DGKD: variants seen among roughly 807,000 people sequenced by gnomAD.
The protein encoded by DGKD is diacylglycerol kinase delta, also known as DAG kinase delta.
Under a neutral mutation model 154.4 loss-of-function variants are expected in DGKD, and 68 were observed. The ratio of observed to expected loss-of-function variants is 0.44; its 90% CI spans 0.36 to 0.54. The LOEUF is 0.54. Ranked by LOEUF, DGKD falls within the 20% of genes least tolerant of loss-of-function variation. DGKD has a pLI of 0.00. For missense variants in DGKD, 1,343 were observed against 1,593.6 expected (o/e 0.84, Z 2.68); for synonymous variants, 693 against 638.0 (o/e 1.09, Z -1.30).
At chr2:233,436,854 C>T (rs1335086773) in intron 7 of DGKD, among the ~76,000 whole-genome samples, 2 of 152,156 alleles carry the variant, frequency 1.3e-5, no homozygotes. Flanking sequence ...GGGTGCAGCC[C>T]AGTGGCCTCC....
At chr2:233,365,498 GC>G (rs1375871551) in intron 1 of DGKD, among the ~76,000 whole-genome samples, 1 of 152,092 alleles carries the variant, frequency 6.6e-6, no homozygotes, top group Non-Finnish European at 1.5e-5. Flanking sequence ...ACCTGCCTCG[GC>G]CTCCTGAAGT....
intron 1 of DGKD, among the ~76,000 whole-genome samples, chr2:233,367,791 CT>C (rs1227870624): frequency 1.3e-5 from 2 of 151,852 alleles, no homozygotes; most frequent in Admixed American, 1.3e-4. Flanking sequence ...GGCTGTCCCC[CT>C]CTGCTGTGTC....
intron 23 of DGKD, 146 bp from the exon 24 acceptor site, chr2:233,460,048 A>G (rs1575167136): frequency 1.4e-6 from 2 of 1,447,614 alleles, no homozygotes; most frequent in East Asian, 2.5e-5. Context: ...AATTTCTAGG[A>G]CCATCTCCTT....
chr2:233,385,873 C>G (rs1484730499), intron 1 of DGKD: 1 of 450,516 alleles, frequency 2.2e-6, no homozygotes, highest in African/African-American at 2.1e-5. Context: ...TTTCCCCAGC[C>G]TTTTCCGCTG....
At chr2:233,382,388 A>G (rs1358889805) in intron 1 of DGKD, among the ~76,000 whole-genome samples, 7 of 152,166 alleles carry the variant, frequency 4.6e-5, no homozygotes, top group Non-Finnish European at 8.8e-5. Context: ...AACCATAGTC[A>G]GGTTTCTGTT....
At chr2:233,424,069 AG>A (rs1250226975) in intron 3 of DGKD, among the ~76,000 whole-genome samples, 2 of 152,084 alleles carry the variant, frequency 1.3e-5, no homozygotes, top group Non-Finnish European at 2.9e-5. Flanking sequence ...AAAAGTGAAG[AG>A]GGGGTCCATT....
chr2:233,361,616 TGGCAGAGA>T (rs958314011), intron 1 of DGKD, among the ~76,000 whole-genome samples: 5 of 152,208 alleles, frequency 3.3e-5, no homozygotes, highest in African/African-American at 1.2e-4. Context: ...TGGAGAGTTT[TGGCAGAGA>T]ACTAGAAACT....
chr2:233,388,151 G>A, intron 1 of DGKD, 106 bp from the exon 2 acceptor site: 1 of 1,551,194 alleles, frequency 6.4e-7, no homozygotes, highest in Non-Finnish European at 8.7e-7. Flanking sequence ...AATATTTTCT[G>A]TTAGAGACAC....
At chr2:233,461,058 T>G (rs1031323656) in intron 24 of DGKD, among the ~76,000 whole-genome samples, 1 of 149,852 alleles carries the variant, frequency 6.7e-6, no homozygotes, top group African/African-American at 2.5e-5. Context: ...GGGCATTTCC[T>G]CTCACCTGCC....
chr2:233,421,265 A>T (rs2062105089), intron 3 of DGKD, among the ~76,000 whole-genome samples: 1 of 151,988 alleles, frequency 6.6e-6, no homozygotes, highest in Non-Finnish European at 1.5e-5. Flanking sequence ...AGCAGCACCC[A>T]GCCAGCTGCT....
At chr2:233,423,320 A>G (rs1469246450) in intron 3 of DGKD, among the ~76,000 whole-genome samples, 1 of 152,118 alleles carries the variant, frequency 6.6e-6, no homozygotes, top group Non-Finnish European at 1.5e-5. Context: ...TTGGTTTTTT[A>G]AGAAACTGCC....
At chr2:233,462,194 G>A (rs75282444) in intron 24 of DGKD, among the ~76,000 whole-genome samples, 154 bp from the exon 25 acceptor site, 1,771 of 152,302 alleles carry the variant, frequency 0.012, 28 homozygotes, top group African/African-American at 0.034. Flanking sequence ...GTGACTGAAC[G>A]GTCGCTGGGC....
chr2:233,436,931 G>T (rs948556984), intron 7 of DGKD, among the ~76,000 whole-genome samples: 3 of 152,338 alleles, frequency 2.0e-5, no homozygotes, highest in Middle Eastern at 6.8e-3. Context: ...GACTCAGGGA[G>T]CCTCCATGTA....
At chr2:233,448,507 G>A in intron 14 of DGKD, 132 bp downstream of exon 14, 1 of 752,980 alleles carries the variant, frequency 1.3e-6, no homozygotes, top group Non-Finnish European at 2.2e-6. Flanking sequence ...AAAACGCACA[G>A]TAAAGGAAGA....
At chr2:233,469,329 G>A in intron 29 of DGKD, 42 bp from the exon 30 acceptor site, 1 of 1,557,450 alleles carries the variant, frequency 6.4e-7, no homozygotes, top group Non-Finnish European at 8.7e-7. Context: ...TCTGGCCCTG[G>A]CTGTCTTCTC....
At chr2:233,431,760 G>A (rs1345429976) in intron 3 of DGKD, among the ~76,000 whole-genome samples, 1 of 152,184 alleles carries the variant, frequency 6.6e-6, no homozygotes, top group Admixed American at 6.5e-5. Context: ...TGGGAAAACT[G>A]GTTATCCATA....
chr2:233,469,337 C>CT (rs1553545250), intron 29 of DGKD, 34 bp from the exon 30 acceptor site: 12 of 1,575,960 alleles, frequency 7.6e-6, no homozygotes, highest in Non-Finnish European at 1.0e-5. Flanking sequence ...TGGCTGTCTT[C>CT]TCGGCATCCA....
chr2:233,393,917 G>T lies in DGKD; in HGVS notation c.348+3434G>T, dbSNP rs147975734. 6.8e-3 allele frequency among the ~76,000 whole-genome samples: 1,026 copies of T among 151,614 alleles called. 9 individuals are homozygous for T. The highest frequency in any genetic ancestry group is 0.023 in the African/African-American group (971 of 41,320). The stretch of plus-strand genomic sequence containing the variant: ...GGCTGGTCTCGAACTCCTGACCTCA[G>T]TGCCCACCTTGGCCACCCAAAATGC... On this transcript the variant is annotated intron_variant, in intron 3 of 29. Transcript: ENST00000264057.
At chr2:233,466,497 G>A (rs2063826639) in intron 27 of DGKD, among the ~76,000 whole-genome samples, 1 of 152,112 alleles carries the variant, frequency 6.6e-6, no homozygotes, top group Admixed American at 6.5e-5. Flanking sequence ...CTTATAAAGA[G>A]TGCATCACAG....
Sources: gnomAD v4.1 joint callset for allele counts (sites outside exome capture counted in the v4.1 genomes callset) on GRCh38, gnomAD v4.1.1 for gene constraint, MANE v1.5 for transcripts, NCBI Gene and HGNC (gene_info 2026-07-23, HGNC 2026-07-21) for gene names.